Variants in TSHZ2 observed in about 807,000 individuals in gnomAD.
TSHZ2 encodes the protein teashirt zinc finger homeobox 2, also known as teashirt homolog 2.
A neutral mutation model predicts 74.4 loss-of-function variants in TSHZ2; 21 were observed. That is an observed-to-expected ratio of 0.28 (90% CI 0.20 to 0.41). The LOEUF (loss-of-function observed/expected upper bound fraction) is 0.41. Among genes scored for constraint, TSHZ2 ranks in the 10% least tolerant of loss-of-function variants. TSHZ2 has a pLI of 1.00. For synonymous variants in TSHZ2, 540 were observed against 515.3 expected (o/e 1.05, Z -0.65); for missense variants, 1,244 against 1,293.5 (o/e 0.96, Z 0.59).
At chr20:53,478,021 G>A (rs1240368131) in intron 2 of TSHZ2, among the ~76,000 whole-genome samples, 5 of 141,236 alleles carry the variant, frequency 3.5e-5, no homozygotes, top group African/African-American at 2.8e-5. Flanking sequence ...AACAGGTGCT[G>A]GAGAGGATGG....
intron 1 of TSHZ2, among the ~76,000 whole-genome samples, chr20:53,208,956 C>T (rs1371951638): frequency 6.6e-6 from 1 of 152,200 alleles, no homozygotes; most frequent in Non-Finnish European, 1.5e-5. Flanking sequence ...CTTACTCTTT[C>T]CTAAGAGCTT....
intron 2 of TSHZ2, among the ~76,000 whole-genome samples, chr20:53,465,395 C>T (rs1168196485): frequency 2.6e-5 from 4 of 152,166 alleles, no homozygotes; most frequent in South Asian, 4.1e-4. Flanking sequence ...CTCAGCCTCC[C>T]GAGAAGCTGG....
At chr20:53,108,157 T>G (rs943484304) in intron 1 of TSHZ2, among the ~76,000 whole-genome samples, 1 of 152,172 alleles carries the variant, frequency 6.6e-6, no homozygotes, top group African/African-American at 2.4e-5. Flanking sequence ...TCCCAACCAC[T>G]CATGTTTACT....
At chr20:53,134,193 A>G (rs1041740903) in intron 1 of TSHZ2, among the ~76,000 whole-genome samples, 1 of 152,190 alleles carries the variant, frequency 6.6e-6, no homozygotes, top group African/African-American at 2.4e-5. Flanking sequence ...GAGATAACCC[A>G]TAAAGAAGTG....
intron 2 of TSHZ2, among the ~76,000 whole-genome samples, chr20:53,410,499 T>C (rs909290207): frequency 1.3e-4 from 20 of 152,064 alleles, no homozygotes; most frequent in Non-Finnish European, 2.2e-4. Context: ...AGCATTTGAA[T>C]TAAATCAACT....
chr20:53,035,801 G>A (rs771272052), intron 1 of TSHZ2, among the ~76,000 whole-genome samples: 9 of 152,146 alleles, frequency 5.9e-5, no homozygotes, highest in East Asian at 1.9e-4. Flanking sequence ...GTGTAGCAGC[G>A]GAGTGTAGGT....
chr20:53,335,484 T>C (rs1360225734), intron 2 of TSHZ2, among the ~76,000 whole-genome samples: 2 of 152,258 alleles, frequency 1.3e-5, no homozygotes, highest in South Asian at 2.1e-4. Context: ...CATTTGTCTT[T>C]GCCCTCTGCC....
rs374736536 is a variant in TSHZ2, at chr20:53,006,637, T to A, written c.40+33304T>A. Among the ~76,000 whole-genome samples the A allele has an allele frequency of 5.3e-5, 8 of 152,364 alleles. No individual in the cohort carries two copies. The South Asian group carries it at 6.2e-4, about 12-fold the overall frequency. On this transcript the variant is annotated intron_variant, in intron 1 of 2. Transcript: ENST00000371497. ...CTCAATGGATTCACAAACCTACATT[T>A]CAATTTCCTAAGCAGCACAAGTTAA...
intron 2 of TSHZ2, among the ~76,000 whole-genome samples, chr20:53,353,273 G>T (rs759159208): frequency 6.6e-6 from 1 of 152,096 alleles, no homozygotes; most frequent in Non-Finnish European, 1.5e-5. Context: ...AGTGTGAGCG[G>T]GTTGCTGATG....
chr20:53,405,205 C>T (rs750648631), intron 2 of TSHZ2, among the ~76,000 whole-genome samples: 3 of 150,526 alleles, frequency 2.0e-5, no homozygotes, highest in Non-Finnish European at 2.9e-5. Flanking sequence ...GCTGAGATTG[C>T]ACCATGGCAC....
intron 1 of TSHZ2, among the ~76,000 whole-genome samples, chr20:53,208,071 T>C (rs1044196926): frequency 2.6e-5 from 4 of 152,110 alleles, no homozygotes; most frequent in African/African-American, 7.2e-5. Context: ...TAAAACAACA[T>C]AGATGCAAAT....
intron 2 of TSHZ2, among the ~76,000 whole-genome samples, chr20:53,330,606 G>A (rs1189934676): frequency 6.6e-6 from 1 of 152,178 alleles, no homozygotes; most frequent in Non-Finnish European, 1.5e-5. Flanking sequence ...GGTGGAGATT[G>A]TATGTTTTAT....
chr20:53,074,174 A>G lies in TSHZ2; in HGVS notation c.40+100841A>G, dbSNP rs1233964851. On this transcript the variant is annotated intron_variant, in intron 1 of 2. Coordinates refer to ENST00000371497, the MANE Select transcript of TSHZ2 (RefSeq NM_173485.6). The surrounding 1 kb of genome is among the most constrained non-coding windows in gnomAD (Gnocchi z 5.9). Reference sequence around the variant, plus strand: ...CTGCTGTTCAAATGTCGCCTTCTCAATGGAGCCCTCCTTGACCACTCCCTT... The same window carrying G: ...CTGCTGTTCAAATGTCGCCTTCTCAGTGGAGCCCTCCTTGACCACTCCCTT... 6.6e-6 allele frequency among the ~76,000 whole-genome samples: 1 copy of G among 152,220 alleles called. No homozygotes were observed. Among genetic ancestry groups the G allele is most frequent in the African/African-American group, 2.4e-5 (1 of 41,452 alleles).
intron 1 of TSHZ2, among the ~76,000 whole-genome samples, chr20:53,059,770 A>G (rs1984760885): frequency 6.6e-6 from 1 of 152,158 alleles, no homozygotes; most frequent in Admixed American, 6.5e-5. Context: ...CTGTTTATGT[A>G]TGCTTAAGAA....
chr20:53,253,719 C>T lies in TSHZ2; in HGVS notation c.261C>T (p.Asp87=), dbSNP rs1238857365. 5.0e-6 allele frequency: 8 copies of T among 1,614,132 alleles called. No individual in the cohort carries two copies. The highest frequency in any genetic ancestry group is 6.8e-6 in the Non-Finnish European group (8 of 1,180,010). ...QDAENESLLS[D]ASDQVSDIKS... ...CCGAGAACGAGTCTCTGCTGAGTGA[C>T]GCCAGTGATCAGGTGTCGGACATCA... The change falls in exon 2 of 3, where the codon GAC becomes GAT. Residue 87 remains aspartate (D), a synonymous_variant. Transcript: ENST00000371497.
At chr20:53,157,064 T>C (rs749196231) in intron 1 of TSHZ2, among the ~76,000 whole-genome samples, 9 of 152,220 alleles carry the variant, frequency 5.9e-5, no homozygotes, top group Non-Finnish European at 1.3e-4. Flanking sequence ...ACTGCATGTG[T>C]GAAAACTGCA....
intron 1 of TSHZ2, among the ~76,000 whole-genome samples, chr20:53,031,361 G>A (rs1368662127): frequency 1.3e-5 from 2 of 152,150 alleles, no homozygotes; most frequent in Non-Finnish European, 2.9e-5. Flanking sequence ...GGCCTCCTCT[G>A]TCTTTGTCAA....
In TSHZ2 at chr20:53,255,412, A is replaced by AAGG. The variant is rs746096315; in HGVS notation, c.1963_1965dup (p.Glu655dup). On this transcript the variant is annotated inframe_insertion, in exon 2 of 3. Coordinates refer to ENST00000371497, the MANE Select transcript of TSHZ2 (RefSeq NM_173485.6). This position sits in a 1 kb window ranked among gnomAD's most constrained non-coding sequence, Gnocchi z 4.1. ...CAAAAAGACCGAGCTGGGTCCCCTG[A>AAGG]AGGAGGAGGAGAAGCTGATGAAAGA... is the stretch of plus-strand genomic sequence containing the variant. The AAGG allele has an allele frequency of 6.2e-7, 1 of 1,613,414 alleles. No individual in the cohort carries two copies. The highest frequency in any genetic ancestry group is 1.3e-5 in the African/African-American group (1 of 74,922).
intron 1 of TSHZ2, among the ~76,000 whole-genome samples, chr20:53,105,568 C>A (rs1986337086): frequency 6.6e-6 from 1 of 152,180 alleles, no homozygotes; most frequent in Admixed American, 6.5e-5. Flanking sequence ...TCTCCTTTAA[C>A]CTCCACTTAT....
Sources: gnomAD v4.1 joint callset for allele counts (sites outside exome capture counted in the v4.1 genomes callset) on GRCh38, gnomAD v4.1.1 for gene constraint, Gnocchi (gnomAD v3.1) non-coding constraint, MANE v1.5 for transcripts, NCBI Gene and HGNC (gene_info 2026-07-23, HGNC 2026-07-21) for gene names.